Variants in SMG1 observed in about 807,000 individuals in gnomAD.
SMG1 encodes the protein serine/threonine-protein kinase SMG1.
In SMG1, 22 loss-of-function variants were observed where a neutral mutation model predicts 419.9. The ratio of observed to expected loss-of-function variants is 0.05; its 90% confidence interval spans 0.04 to 0.07. SMG1 has a LOEUF of 0.07. Among genes scored for constraint, SMG1 ranks in the 10% least tolerant of loss-of-function variants. The probability of loss-of-function intolerance (pLI) is 1.00; values close to 1 mark genes in which losing one functional copy is unlikely to be tolerated. For missense variants in SMG1, 3,185 were observed against 4,342.0 expected (o/e 0.73, Z 7.49); for synonymous variants, 1,538 against 1,553.5 (o/e 0.99, Z 0.23).
At position 18,842,454 on chromosome 16, in the gene SMG1, T is replaced by C. The variant is rs777673638; in HGVS notation, c.6220A>G (p.Ile2074Val). 1.6e-5 allele frequency: 25 copies of C among 1,612,218 alleles called. No individual in the cohort carries two copies. In the South Asian group the frequency reaches 2.5e-4, roughly 16 times the overall value. ...PGSSWIPFKE[I>V]MLSLQQRAQK... ...GCTCTCTGTTGCAAACTTAGCATTA[T>C]CTATATTCATAAGATGGGAGAAACA... is the stretch of plus-strand genomic sequence containing the variant. Residue 2074 changes from isoleucine (I) to valine (V), a missense_variant and splice_region_variant, in exon 40 of 63, where the codon ATA becomes GTA. By Grantham distance (29) the Ile-to-Val change is conservative. Coordinates refer to ENST00000446231, the MANE Select transcript of SMG1 (RefSeq NM_015092.5).
intron 39 of SMG1, among the ~76,000 whole-genome samples, chr16:18,842,957 A>G (rs2034012009): frequency 6.6e-6 from 1 of 152,242 alleles, no homozygotes; most frequent in African/African-American, 2.4e-5. Context: ...TGTGCATTAC[A>G]GGATTCTTTG....
chr16:18,898,386 A>C (rs2037217664), intron 1 of SMG1, among the ~76,000 whole-genome samples: 1 of 152,098 alleles, frequency 6.6e-6, no homozygotes, highest in Non-Finnish European at 1.5e-5. Context: ...TTAGAACATA[A>C]GGGAAAATAA....
At chr16:18,917,500 C>G (rs765490146) in intron 1 of SMG1, among the ~76,000 whole-genome samples, 65 of 151,956 alleles carry the variant, frequency 4.3e-4, no homozygotes, top group Middle Eastern at 6.8e-3. Context: ...TCCTTAGCAG[C>G]CCCTTCTCTA....
chr16:18,841,579 A>G lies in SMG1; in HGVS notation c.6682T>C (p.Leu2228=), dbSNP rs753433362. 1.2e-5 allele frequency: 20 copies of G among 1,613,818 alleles called. No homozygotes were observed. The highest frequency in any genetic ancestry group is 2.7e-5 in the African/African-American group (2 of 74,912). ...YKRWQQREAA[L]QAQKAQDSYQ... Reference sequence around the variant, plus strand: ...ATTTAATCAACCTTTTGTGCTTGTAAGGCAGCTTCCCGTTGTTGCCATCGT... The same window carrying G: ...ATTTAATCAACCTTTTGTGCTTGTAGGGCAGCTTCCCGTTGTTGCCATCGT... Residue 2228 remains leucine, a synonymous_variant, in exon 41 of 63, where the codon TTA becomes CTA. Coordinates refer to ENST00000446231, the MANE Select transcript of SMG1 (RefSeq NM_015092.5).
rs535463647 is a variant in SMG1 at position 18,899,467 on chromosome 16, T to C, written c.93-2511A>G. On this transcript the variant is annotated intron_variant, in intron 1 of 62. Transcript: ENST00000446231. ...ATTTTAATACAAATTGATCAAAGCA[T>C]CCCCAACCAGAACTCAGGTTGTAAG... Among the ~76,000 whole-genome samples, 7 of 152,194 alleles carry C rather than the reference T, an allele frequency of 4.6e-5. No individual in the cohort carries two copies. The East Asian group carries it at 7.7e-4, about 17-fold the overall frequency.
intron 4 of SMG1, among the ~76,000 whole-genome samples, chr16:18,891,513 G>C (rs1033900918): frequency 6.0e-5 from 9 of 150,178 alleles, no homozygotes; most frequent in African/African-American, 2.2e-4. Flanking sequence ...TCAGCTCACT[G>C]CAACCTCCGT....
chr16:18,837,408 A>G lies in SMG1; in HGVS notation c.7449T>C (p.Val2483=). 6.2e-7 allele frequency: 1 copy of G among 1,613,992 alleles called. No individual in the cohort carries two copies. The highest frequency in any genetic ancestry group is 1.1e-5 in the South Asian group (1 of 91,078). ...NWFKNRDEML[V]VLPKLDGSLD... ...AGCTACCGTCCAACTTGGGAAGCACAACCAGCATCTCATCTCTATTCTTAA... is the reference window on the plus strand; with the variant it reads ...AGCTACCGTCCAACTTGGGAAGCACGACCAGCATCTCATCTCTATTCTTAA... The change falls in exon 46 of 63, where the codon GTT becomes GTC. Residue 2483 remains valine (V), a synonymous_variant. Transcript: ENST00000446231.
At chr16:18,814,169 G>C (rs1047347552) in intron 60 of SMG1, among the ~76,000 whole-genome samples, 1 of 150,884 alleles carries the variant, frequency 6.6e-6, no homozygotes, top group African/African-American at 2.4e-5. Context: ...TTATTAACTG[G>C]AAAGGCAACA....
At chr16:18,892,660 G>C (rs574768949) in intron 3 of SMG1, among the ~76,000 whole-genome samples, 2 of 152,184 alleles carry the variant, frequency 1.3e-5, no homozygotes, top group Admixed American at 6.5e-5. Context: ...TGGAGCCCGT[G>C]AGGCGGAGGT....
chr16:18,835,671 C>G (rs901146193), intron 48 of SMG1, among the ~76,000 whole-genome samples: 5 of 151,934 alleles, frequency 3.3e-5, no homozygotes, highest in African/African-American at 1.2e-4. Flanking sequence ...TTTGGGAGGC[C>G]CAGGCAGGCA....
chr16:18,807,134 G>A lies in SMG1; in HGVS notation c.*2435C>T, dbSNP rs1196017178. Reference sequence around the variant, plus strand: ...CTGTTTTTTGTTTTTGCTTGAGTAAGGTGCCAGGTACCTCTGAAGCCTGAA... The same window carrying A: ...CTGTTTTTTGTTTTTGCTTGAGTAAAGTGCCAGGTACCTCTGAAGCCTGAA... On this transcript the variant is annotated 3_prime_UTR_variant, in exon 63 of 63. Coordinates refer to ENST00000446231, the MANE Select transcript of SMG1 (RefSeq NM_015092.5). The A allele has an allele frequency of 6.6e-6, 1 of 152,168 alleles. No homozygotes were observed. Among genetic ancestry groups the A allele is most frequent in the Non-Finnish European group, 1.5e-5 (1 of 68,026 alleles). The allele number at this position is 152,168 out of a possible 1,614,324, so 9.4% of individuals were successfully genotyped here.
In SMG1 at chr16:18,896,929, A is replaced by G. The variant is rs1216798881; in HGVS notation, c.120T>C (p.Asp40=). 6.3e-7 allele frequency: 1 copy of G among 1,582,676 alleles called. No homozygotes were observed. Residue 40 remains aspartate, a synonymous_variant, in exon 2 of 63, where the codon GAT becomes GAC. Coordinates refer to ENST00000446231, the MANE Select transcript of SMG1 (RefSeq NM_015092.5). The part of the protein sequence containing the change: ...PRTDSASADP[D]NLKYSSSRDR... ...CTCTGGATGAAGAATATTTTAAATTATCTGGGTCGGCTGATGCACTATCAG... is the reference window on the plus strand; with the variant it reads ...CTCTGGATGAAGAATATTTTAAATTGTCTGGGTCGGCTGATGCACTATCAG...
At chr16:18,812,212 G>T in intron 60 of SMG1, 85 bp from the exon 61 acceptor site, 1 of 1,279,658 alleles carries the variant, frequency 7.8e-7, no homozygotes, top group Non-Finnish European at 1.1e-6. Context: ...ATAGGTGGTA[G>T]TGGTTGATAC....
chr16:18,877,505 T>C (rs1378148498), intron 11 of SMG1: 2 of 307,212 alleles, frequency 6.5e-6, no homozygotes, highest in Non-Finnish European at 1.3e-5. Flanking sequence ...AGTGAAACTA[T>C]CCTGTATGAT....
chr16:18,846,354 C>T (rs979294412), intron 38 of SMG1, among the ~76,000 whole-genome samples: 1 of 152,096 alleles, frequency 6.6e-6, no homozygotes, highest in Admixed American at 6.6e-5. Flanking sequence ...ACCAAAAGCA[C>T]AGACAAATTA....
intron 1 of SMG1, among the ~76,000 whole-genome samples, chr16:18,910,778 G>A (rs946122842): frequency 1.3e-5 from 2 of 151,954 alleles, no homozygotes; most frequent in Non-Finnish European, 1.5e-5. Flanking sequence ...TATCACATTG[G>A]CAGAATACAA....
At chr16:18,841,848 C>T in intron 40 of SMG1, 54 bp from the exon 41 acceptor site, 1 of 1,438,918 alleles carries the variant, frequency 6.9e-7, no homozygotes, top group Non-Finnish European at 9.8e-7. Flanking sequence ...GGGTTGGGAG[C>T]ATACCACTCC....
chr16:18,892,743 T>C (rs990003380), intron 3 of SMG1, among the ~76,000 whole-genome samples: 1 of 151,990 alleles, frequency 6.6e-6, no homozygotes, highest in African/African-American at 2.4e-5. Context: ...AAAAATAAAA[T>C]TACATCAAAA....
At chr16:18,920,414 G>C (rs2038152931) in intron 1 of SMG1, among the ~76,000 whole-genome samples, 1 of 150,698 alleles carries the variant, frequency 6.6e-6, no homozygotes, top group South Asian at 2.1e-4. Context: ...GGGGTGAGGT[G>C]AAGGTTCAAC....
Sources: allele counts gnomAD v4.1 joint callset (sites outside exome capture counted in the v4.1 genomes callset), GRCh38; gene constraint gnomAD v4.1.1; transcripts MANE v1.5; gene names NCBI Gene and HGNC (gene_info 2026-07-23, HGNC 2026-07-21).